The following TASOR2 variants were observed in gnomAD, a reference collection of about 807,000 sequenced individuals.
TASOR2 encodes the protein transcription activation suppressor family member 2, also known as protein TASOR 2.
Under a neutral mutation model 199.5 loss-of-function variants are expected in TASOR2, and 84 were observed. That is an observed-to-expected ratio of 0.42 (90% CI 0.35 to 0.50). TASOR2 has a LOEUF of 0.50. TASOR2 is among the 20% of genes least tolerant of loss of function. The pLI, the probability that TASOR2 is intolerant of heterozygous loss-of-function variation, is 0.02. For missense variants in TASOR2, 2,796 were observed against 2,835.9 expected (o/e 0.99, Z 0.32); for synonymous variants, 1,103 against 1,046.6 (o/e 1.05, Z -1.04).
In TASOR2 at chr10:5,742,986, A is replaced by G. The variant is rs1836652047; in HGVS notation, c.2757+460A>G. Among the ~76,000 whole-genome samples the G allele has an allele frequency of 6.6e-6, 1 of 152,256 alleles. No individual in the cohort carries two copies. On this transcript the variant is annotated intron_variant, in intron 14 of 20. Coordinates refer to ENST00000328090, the Ensembl canonical transcript of TASOR2. The surrounding 1 kb of genome is among the most constrained non-coding windows in gnomAD (Gnocchi z 4.2). ...ACAGATGCTGGAATAGTAAAATGCC[A>G]GACCTGTGAAAGAAGACCCATTGCA...
exon 13 of TASOR2, chr10:5,739,711 C>A (rs1212171797): frequency 1.9e-6 from 3 of 1,614,044 alleles, no homozygotes; most frequent in Non-Finnish European, 2.5e-6. Context: ...CCAGAAAATA[C>A]CACAGCGGCT....
intron 1 of TASOR2, among the ~76,000 whole-genome samples, chr10:5,688,032 C>G (rs1024297557): frequency 2.0e-5 from 3 of 152,136 alleles, no homozygotes; most frequent in African/African-American, 4.8e-5. Context: ...CGCTGAAGGT[C>G]TCCTTTAATG....
chr10:5,758,070 A>G (rs1472215771), intron 17 of TASOR2, among the ~76,000 whole-genome samples: 1 of 152,176 alleles, frequency 6.6e-6, no homozygotes, highest in African/African-American at 2.4e-5. Context: ...TGATGTCACA[A>G]AAATCTAAAA....
At chr10:5,761,675 A>C (rs147649333) in intron 19 of TASOR2, 139 of 568,824 alleles carry the variant, frequency 2.4e-4, no homozygotes, top group African/African-American at 2.2e-3. Context: ...CTATGTATGT[A>C]AGTCAGTTCT....
chr10:5,739,574 A>G lies in TASOR2; in HGVS notation c.1448-44A>G, dbSNP rs779752444. 2.9e-5 allele frequency: 45 copies of G among 1,553,962 alleles called. 1 individual carries two copies. In the South Asian group the frequency reaches 4.6e-4, roughly 16 times the overall value. On this transcript the variant is annotated intron_variant, in intron 12 of 20. Transcript: ENST00000328090. Reference sequence around the variant, plus strand: ...AGTAATATGGCAGAGAGTTAATTCTATGACAAGCAAACATCTCTCTTTTTT... The same window carrying G: ...AGTAATATGGCAGAGAGTTAATTCTGTGACAAGCAAACATCTCTCTTTTTT...
chr10:5,731,204 G>A lies in TASOR2; in HGVS notation c.1204+1G>A, dbSNP rs780548361. ...CAGTTTCCTCAGAAAAGAAAAAGAG[G>A]TAAGCACGATTTATTTATGTGGGTT... On this transcript the variant is annotated splice_donor_variant, in intron 11 of 20. Coordinates refer to ENST00000328090, the Ensembl canonical transcript of TASOR2. LOFTEE classifies it high-confidence loss of function. The A allele has an allele frequency of 6.3e-7, 1 of 1,598,566 alleles. No individual in the cohort carries two copies. The highest frequency in any genetic ancestry group is 8.5e-7 in the Non-Finnish European group (1 of 1,178,452).
At chr10:5,758,892 C>T in exon 18 of TASOR2, 1 of 1,610,806 alleles carries the variant, frequency 6.2e-7, no homozygotes. Context: ...TGTAGTTCAA[C>T]TGAAGGAAAT....
intron 1 of TASOR2, among the ~76,000 whole-genome samples, chr10:5,705,943 A>C (rs1838533751): frequency 6.6e-6 from 1 of 152,170 alleles, no homozygotes; most frequent in African/African-American, 2.4e-5. Flanking sequence ...TATGTACCCC[A>C]TAGTCAAGTA....
Position 5,740,367 on chromosome 10 carries a change from T to C in TASOR2, c.2197T>C (p.Ser733Pro), listed in dbSNP as rs201246529. The C allele has an allele frequency of 3.1e-6, 5 of 1,614,202 alleles. No homozygotes were observed. The highest frequency in any genetic ancestry group is 4.5e-5 in the East Asian group (2 of 44,884). The change falls in exon 13 of 21, where the codon TCT becomes CCT. Residue 733 changes from serine (S) to proline (P), a missense_variant. This residue lies in a region of TASOR2 where 847 missense variants were observed against 887.4 expected (regional missense o/e 0.95). Transcript: ENST00000328090. The surrounding 1 kb of genome is among the most constrained non-coding windows in gnomAD (Gnocchi z 5.3). ...TGCCCGTGTGAAAAAATCTTCTTGC[T>C]CTCGTATAGTGCTTAGCTGTGATGA...
At chr10:5,762,613 A>G (rs1451240810) in exon 20 of TASOR2, 2 of 1,486,196 alleles carry the variant, frequency 1.3e-6, no homozygotes, top group Non-Finnish European at 1.8e-6. Flanking sequence ...GAAAACATAG[A>G]AAAAATAGCA....
In TASOR2 at chr10:5,722,671, A is replaced by C. The variant is rs1833525068; in HGVS notation, c.147-1006A>C. On this transcript the variant is annotated intron_variant, in intron 6 of 20. Transcript: ENST00000328090. The surrounding 1 kb of genome is among the most constrained non-coding windows in gnomAD (Gnocchi z 4.0). ...AAGAGTTCTTTGTCCTATGTTTGCA[A>C]CTTTTGTATAAGTGTAAAAGCATTT... Among the ~76,000 whole-genome samples, 1 of 152,102 alleles carries C rather than the reference A, an allele frequency of 6.6e-6. No homozygotes were observed. The highest frequency in any genetic ancestry group is 1.5e-5 in the Non-Finnish European group (1 of 67,998).
At position 5,740,197 on chromosome 10, in the gene TASOR2, C is replaced by T. The variant is rs1331042579; in HGVS notation, c.2027C>T (p.Pro676Leu). Reference sequence around the variant, plus strand: ...CTACAGGAGAGAGAGATACTAAGCCCTCTGTTTCCCAGGAATGGGACAAAA... The same window carrying T: ...CTACAGGAGAGAGAGATACTAAGCCTTCTGTTTCCCAGGAATGGGACAAAA... Residue 676 changes from proline to leucine, a missense_variant, in exon 13 of 21, where the codon CCT (proline) becomes CTT (leucine). By Grantham distance (98) the Pro-to-Leu change is moderately conservative. Coordinates refer to ENST00000328090, the Ensembl canonical transcript of TASOR2. The surrounding 1 kb of genome is among the most constrained non-coding windows in gnomAD (Gnocchi z 5.3). 3.7e-6 allele frequency: 6 copies of T among 1,614,246 alleles called. No individual in the cohort carries two copies. Among genetic ancestry groups the T allele is most frequent in the Non-Finnish European group, 5.1e-6 (6 of 1,180,052 alleles).
chr10:5,732,781 T>C (rs1343678201), intron 11 of TASOR2, among the ~76,000 whole-genome samples: 1 of 152,180 alleles, frequency 6.6e-6, no homozygotes, highest in East Asian at 1.9e-4. Flanking sequence ...GAACTGATGC[T>C]CCTGCCTCAG....
In TASOR2 at chr10:5,737,290, GTT is replaced by G. The variant is rs980639174; in HGVS notation, c.1447+1753_1447+1754del. 1.4e-5 allele frequency among the ~76,000 whole-genome samples: 2 copies of G among 145,500 alleles called. No homozygotes were observed. Among genetic ancestry groups the G allele is most frequent in the Non-Finnish European group, 3.0e-5 (2 of 65,718 alleles). ...CAGGTTTGTTTTTTTTAGTTTTTTTGTTTTTTTTTTCAACTTAAGCATACCCT... is the reference window on the plus strand; with the variant it reads ...CAGGTTTGTTTTTTTTAGTTTTTTTGTTTTTTTTCAACTTAAGCATACCCT... On this transcript the variant is annotated intron_variant, in intron 12 of 20. Transcript: ENST00000328090. The surrounding 1 kb of genome is among the most constrained non-coding windows in gnomAD (Gnocchi z 4.9).
intron 1 of TASOR2, among the ~76,000 whole-genome samples, chr10:5,688,128 G>A (rs184411299): frequency 3.5e-4 from 53 of 152,278 alleles, no homozygotes; most frequent in Non-Finnish European, 6.6e-4. Context: ...GCGTCATTCA[G>A]CTGAGTAGTT....
intron 14 of TASOR2, among the ~76,000 whole-genome samples, chr10:5,744,695 G>C (rs971735030): frequency 4.6e-5 from 7 of 151,630 alleles, no homozygotes; most frequent in Non-Finnish European, 1.0e-4. Context: ...GTTTGGTTTG[G>C]TTTTTTTGAG....
chr10:5,761,306 C>T, exon 19 of TASOR2: 1 of 1,613,226 alleles, frequency 6.2e-7, no homozygotes, highest in Non-Finnish European at 8.5e-7. Context: ...TTCAACTGCA[C>T]ATAAGAAGAA....
At chr10:5,709,771 A>C in intron 1 of TASOR2, 1 of 998,162 alleles carries the variant, frequency 1.0e-6, no homozygotes, top group Non-Finnish European at 1.3e-6. Flanking sequence ...AGACTTTAAA[A>C]AATTATGATT....
At position 5,740,494 on chromosome 10, in the gene TASOR2, A is replaced by G; in HGVS notation, c.2324A>G (p.His775Arg). 1 of 1,607,686 alleles carries G rather than the reference A, an allele frequency of 6.2e-7. No homozygotes were observed. Among genetic ancestry groups the G allele is most frequent in the African/African-American group, 1.3e-5 (1 of 74,994 alleles). ...GAGAAAACTGTAGTAAGAGCATTAC[A>G]TGGGTGAGTATGAGTGAAACTTAGT... Residue 775 changes from histidine (H) to arginine (R), a missense_variant, in exon 13 of 21, where the codon CAT (histidine) becomes CGT (arginine). By Grantham distance (29) the His-to-Arg change is conservative. This residue lies in a region of TASOR2 where 8 missense variants were observed against 23.6 expected (regional missense o/e 0.34). Transcript: ENST00000328090. The surrounding 1 kb of genome is among the most constrained non-coding windows in gnomAD (Gnocchi z 5.3).
Sources: allele counts gnomAD v4.1 joint callset (sites outside exome capture counted in the v4.1 genomes callset), GRCh38; gene constraint gnomAD v4.1.1; regional missense constraint gnomAD v4.1.1; non-coding constraint Gnocchi (gnomAD v3.1); transcripts MANE v1.5; gene names NCBI Gene and HGNC (gene_info 2026-07-23, HGNC 2026-07-21).